ABCG1: variants seen among roughly 807,000 people sequenced by gnomAD.
ABCG1 encodes the protein ATP binding cassette subfamily G member 1.
ABCG1 carries 29 observed loss-of-function variants against 69.2 expected under a neutral mutation model. That is an observed-to-expected ratio of 0.42 (90% confidence interval 0.31 to 0.57). The LOEUF is 0.57. Ranked by LOEUF, ABCG1 falls within the 20% of genes least tolerant of loss-of-function variation. The probability of loss-of-function intolerance (pLI) is 0.15; values close to 1 mark genes in which losing one functional copy is unlikely to be tolerated. For synonymous variants in ABCG1, 370 were observed against 374.8 expected, an observed-to-expected ratio of 0.99 and a Z score of 0.15; for missense variants, 718 against 898.1, an observed-to-expected ratio of 0.80 and a Z score of 2.56.
At chr21:42,207,845 T>C (rs1420924224) in intron 2 of ABCG1, among the ~76,000 whole-genome samples, 1 of 152,190 alleles carries the variant, frequency 6.6e-6, no homozygotes, top group Non-Finnish European at 1.5e-5. Flanking sequence ...CATCACAGGG[T>C]GATGAGTATC....
At position 42,295,563 on chromosome 21, in the gene ABCG1, T is replaced by C. The variant is rs1382968113; in HGVS notation, c.1773-601T>C. ...CATCTTCCGAGCTGCAGAAGTTCCA[T>C]GTGACACTAAGATCCAAAGTTGGGA... is the stretch of plus-strand genomic sequence containing the variant. On this transcript the variant is annotated intron_variant, in intron 14 of 14. Coordinates refer to ENST00000398449, the MANE Select transcript of ABCG1 (RefSeq NM_016818.3). Among the ~76,000 whole-genome samples, 5 of 152,302 alleles carry C rather than the reference T, an allele frequency of 3.3e-5. No individual in the cohort carries two copies. In the East Asian group the frequency reaches 9.6e-4, roughly 29 times the overall value.
At position 42,259,947 on chromosome 21, in the gene ABCG1, T is replaced by C. The variant is rs922010283; in HGVS notation, c.287-11123T>C. The C allele has an allele frequency of 6.1e-6, 9 of 1,480,620 alleles. No homozygotes were observed. In the Admixed American group the frequency reaches 7.3e-5, roughly 12 times the overall value. 91.7% of individuals were successfully genotyped at this position (1,480,620 alleles called of 1,614,324 possible). A position where few individuals can be genotyped will look rare whatever the true frequency, so the allele number is the denominator to read the frequency against. ...AGCTCAGCAGCTGTGGGTTGGACGGTGGTGTTGGCTTGCTCTTCCCCTTCC... is the reference window on the plus strand; with the variant it reads ...AGCTCAGCAGCTGTGGGTTGGACGGCGGTGTTGGCTTGCTCTTCCCCTTCC... On this transcript the variant is annotated intron_variant, in intron 2 of 14. Transcript: ENST00000398449.
At chr21:42,258,586 C>T (rs1263601284) in intron 2 of ABCG1, among the ~76,000 whole-genome samples, 1 of 151,384 alleles carries the variant, frequency 6.6e-6, no homozygotes, top group South Asian at 2.1e-4. Context: ...CCTGTGTATC[C>T]GGTTGAATTT....
Position 42,219,171 on chromosome 21 carries a change from C to A in ABCG1, c.-92C>A, listed in dbSNP as rs2067678901. 1.8e-6 allele frequency: 2 copies of A among 1,141,666 alleles called. No individual in the cohort carries two copies. The highest frequency in any genetic ancestry group is 3.7e-5 in the South Asian group (1 of 26,966). The allele number at this position is 1,141,666 out of a possible 1,614,324, so 70.7% of individuals were successfully genotyped here. A position where few individuals can be genotyped will look rare whatever the true frequency, so the allele number is the denominator to read the frequency against. ...CAAGCGCAGCCCGCACCCCGCGCAG[C>A]GGCTGAGCCGGGAGCCAGCGCAGCC... On this transcript the variant is annotated 5_prime_UTR_variant, in exon 1 of 15. Transcript: ENST00000398449. This position sits in a 1 kb window ranked among gnomAD's most constrained non-coding sequence, Gnocchi z 5.3.
intron 2 of ABCG1, among the ~76,000 whole-genome samples, chr21:42,240,157 T>C (rs1034060256): frequency 2.0e-5 from 3 of 152,196 alleles, no homozygotes; most frequent in African/African-American, 7.2e-5. Context: ...CACACAGTGT[T>C]ATGCCAGACC....
chr21:42,274,483 T>TA, intron 4 of ABCG1, among the ~76,000 whole-genome samples: 1 of 149,972 alleles, frequency 6.7e-6, no homozygotes, highest in East Asian at 2.0e-4. Flanking sequence ...GCCTTTTTTT[T>TA]TTTTTTTTGG....
chr21:42,216,845 A>T (rs1174233926), upstream of ABCG1, among the ~76,000 whole-genome samples: 1 of 152,190 alleles, frequency 6.6e-6, no homozygotes, highest in Non-Finnish European at 1.5e-5. Context: ...GGAACACAGC[A>T]GTGACTACAG....
At chr21:42,207,788 G>A (rs1478094409) in intron 2 of ABCG1, among the ~76,000 whole-genome samples, 7 of 152,204 alleles carry the variant, frequency 4.6e-5, no homozygotes, top group African/African-American at 1.7e-4. Flanking sequence ...TCCCTAGCTG[G>A]GGGAGGTAGA....
intron 6 of ABCG1, among the ~76,000 whole-genome samples, chr21:42,284,282 G>A (rs950620335): frequency 6.6e-6 from 1 of 151,542 alleles, no homozygotes; most frequent in Non-Finnish European, 1.5e-5. Context: ...CAGATGAGTG[G>A]GGACCCCCCC....
chr21:42,281,303 T>A (rs2068803783), intron 5 of ABCG1, among the ~76,000 whole-genome samples: 1 of 151,646 alleles, frequency 6.6e-6, no homozygotes, highest in Non-Finnish European at 1.5e-5. Flanking sequence ...AATAGCTGGG[T>A]GAATGCTGGA....
intron 2 of ABCG1, among the ~76,000 whole-genome samples, chr21:42,268,855 G>T (rs370218829): frequency 7.2e-5 from 11 of 152,272 alleles, no homozygotes; most frequent in Middle Eastern, 6.8e-3. Context: ...TCCTGTTCCT[G>T]GGGTCCTGGG....
rs2068367477 is a variant in ABCG1, at chr21:42,259,461, G to A, written c.287-11609G>A. 2.6e-6 allele frequency: 4 copies of A among 1,549,044 alleles called. No homozygotes were observed. The African/African-American group carries it at 5.5e-5, about 21-fold the overall frequency. On this transcript the variant is annotated intron_variant, in intron 2 of 14. Coordinates refer to ENST00000398449, the MANE Select transcript of ABCG1 (RefSeq NM_016818.3). The stretch of plus-strand genomic sequence containing the variant: ...AAGGGTGCCGATGTCTGGCCTACAG[G>A]GCTCAAGCATTGTCATCATGCCCCC...
At chr21:42,218,510 C>G (rs1187478274), upstream of ABCG1, among the ~76,000 whole-genome samples, 1 of 152,172 alleles carries the variant, frequency 6.6e-6, no homozygotes, top group East Asian at 1.9e-4. Flanking sequence ...GGGCAGAGGC[C>G]TGGGCATCTT....
Position 42,273,473 on chromosome 21 carries a change from CG to C in ABCG1, c.537+39del. On this transcript the variant is annotated intron_variant, in intron 4 of 14. Coordinates refer to ENST00000398449, the MANE Select transcript of ABCG1 (RefSeq NM_016818.3). The surrounding 1 kb of genome is among the most constrained non-coding windows in gnomAD (Gnocchi z 5.3). ...CTGCCCCGCCCCACTCCGCCCCTGCCGCCTGTCCCCAGCGCCCACATTAGAC... is the reference window on the plus strand; with the variant it reads ...CTGCCCCGCCCCACTCCGCCCCTGCCCCTGTCCCCAGCGCCCACATTAGAC... 1.9e-6 allele frequency: 3 copies of C among 1,564,018 alleles called. No homozygotes were observed. The highest frequency in any genetic ancestry group is 1.4e-5 in the African/African-American group (1 of 70,756).
rs140460859 is a variant in ABCG1 at position 42,263,870 on chromosome 21, C to T, written c.287-7200C>T. Reference sequence around the variant, plus strand: ...GGTGTGGGAAGAGACGACAAGGCCACGGCGTTGCCTGAGACGGGATGTTGC... The same window carrying T: ...GGTGTGGGAAGAGACGACAAGGCCATGGCGTTGCCTGAGACGGGATGTTGC... On this transcript the variant is annotated intron_variant, in intron 2 of 14. Transcript: ENST00000398449. 1.6e-4 allele frequency among the ~76,000 whole-genome samples: 25 copies of T among 152,348 alleles called. No homozygotes were observed. In the East Asian group the frequency reaches 2.3e-3, roughly 14 times the overall value.
At chr21:42,294,829 C>T in intron 14 of ABCG1, 169 bp downstream of exon 14, 1 of 626,952 alleles carries the variant, frequency 1.6e-6, no homozygotes, top group Non-Finnish European at 2.9e-6. Context: ...CCTCCTCCTA[C>T]CCTCACCAAC....
At chr21:42,252,647 AT>A (rs754839257) in intron 2 of ABCG1, among the ~76,000 whole-genome samples, 2 of 152,152 alleles carry the variant, frequency 1.3e-5, no homozygotes, top group Non-Finnish European at 2.9e-5. Context: ...TGTGTCCCAA[AT>A]AAACCTTTAA....
Position 42,296,323 on chromosome 21 carries a change from G to A in ABCG1, c.1932G>A (p.Gly644=). ...TGTACCTGGACTTCATCGTACTCGG[G>A]ATTTTCTTCATCTCCCTCCGCCTCA... is the stretch of plus-strand genomic sequence containing the variant. ...AKLYLDFIVL[G]IFFISLRLIA... The change falls in exon 15 of 15, where the codon GGG becomes GGA. Residue 644 remains glycine (G), a synonymous_variant. Coordinates refer to ENST00000398449, the MANE Select transcript of ABCG1 (RefSeq NM_016818.3). This position sits in a 1 kb window ranked among gnomAD's most constrained non-coding sequence, Gnocchi z 5.4. The A allele has an allele frequency of 1.2e-6, 2 of 1,614,162 alleles. No individual in the cohort carries two copies. The highest frequency in any genetic ancestry group is 2.2e-5 in the East Asian group (1 of 44,884).
intron 5 of ABCG1, among the ~76,000 whole-genome samples, chr21:42,280,859 C>A (rs1026937164): frequency 6.6e-6 from 1 of 152,142 alleles, no homozygotes; most frequent in South Asian, 2.1e-4. Flanking sequence ...GACCAGCAGT[C>A]GATGCCAGCT....
Sources: allele counts gnomAD v4.1 joint callset (sites outside exome capture counted in the v4.1 genomes callset), GRCh38; gene constraint gnomAD v4.1.1; non-coding constraint Gnocchi (gnomAD v3.1); transcripts MANE v1.5; gene names NCBI Gene and HGNC (gene_info 2026-07-23, HGNC 2026-07-21).